DPF3: variants seen among roughly 807,000 people sequenced by gnomAD.
DPF3 encodes zinc finger protein DPF3.
Under a neutral mutation model 56.8 loss-of-function variants are expected in DPF3, and 18 were observed. The ratio of observed to expected loss-of-function variants is 0.32; its 90% CI spans 0.22 to 0.47. DPF3 has a LOEUF of 0.47. DPF3 is among the 20% of genes least tolerant of loss of function. The probability of loss-of-function intolerance (pLI) is 1.00; values close to 1 mark genes in which losing one functional copy is unlikely to be tolerated. For missense variants in DPF3, 403 were observed against 488.8 expected (o/e 0.82, Z 1.65); for synonymous variants, 188 against 180.2 (o/e 1.04, Z -0.35).
chr14:72,713,699 C>G (rs967047686), intron 6 of DPF3, among the ~76,000 whole-genome samples: 2 of 152,210 alleles, frequency 1.3e-5, no homozygotes, highest in African/African-American at 2.4e-5. Context: ...GGTTTTCAAT[C>G]TGCCTCCCAG....
chr14:72,666,919 T>A (rs1886467055), intron 8 of DPF3, among the ~76,000 whole-genome samples: 1 of 152,234 alleles, frequency 6.6e-6, no homozygotes, highest in Admixed American at 6.5e-5. Flanking sequence ...TCATCAGATG[T>A]AACAGGAGGT....
chr14:72,628,874 AAG>A (rs1268431495), intron 9 of DPF3, among the ~76,000 whole-genome samples: 1 of 152,244 alleles, frequency 6.6e-6, no homozygotes, highest in African/African-American at 2.4e-5. Context: ...GGGAGGAAGA[AAG>A]AGAATAAGAT....
chr14:72,760,904 A>G (rs1027270473), intron 2 of DPF3, among the ~76,000 whole-genome samples: 3 of 152,170 alleles, frequency 2.0e-5, no homozygotes, highest in Non-Finnish European at 2.9e-5. Flanking sequence ...TCATGTTAAT[A>G]TTAATCAAAA....
At chr14:72,715,434 T>C (rs1428534292) in intron 5 of DPF3, among the ~76,000 whole-genome samples, 1 of 151,962 alleles carries the variant, frequency 6.6e-6, no homozygotes, top group Non-Finnish European at 1.5e-5. Context: ...TGGTAATGAG[T>C]AGCAGTCAAC....
Position 72,612,663 on chromosome 14 carries a change from C to T in DPF3, c.*6634G>A, listed in dbSNP as rs764717924. 9.8e-6 allele frequency: 5 copies of T among 511,942 alleles called. No individual in the cohort carries two copies. The highest frequency in any genetic ancestry group is 4.2e-5 in the South Asian group (3 of 71,062). 31.7% of individuals were successfully genotyped at this position (511,942 alleles called of 1,614,324 possible). ...TAGACATGGAAGGGCAAACCAAGTC[C>T]GTATAAACCACAAACCCCATTCTAG... is the stretch of plus-strand genomic sequence containing the variant. On this transcript the variant is annotated 3_prime_UTR_variant, in exon 11 of 11. Coordinates refer to ENST00000556509, the MANE Select transcript of DPF3 (RefSeq NM_001280542.3).
chr14:72,729,970 C>T (rs1889572058), intron 4 of DPF3, among the ~76,000 whole-genome samples: 1 of 152,236 alleles, frequency 6.6e-6, no homozygotes, highest in Non-Finnish European at 1.5e-5. Context: ...ATAGCAAATG[C>T]ACCACTCTAG....
rs1214221339 is a variant in DPF3, at chr14:72,836,321, T to C, written c.32+57736A>G. On this transcript the variant is annotated intron_variant, in intron 1 of 10. Transcript: ENST00000556509. Reference sequence around the variant, plus strand: ...AAACTCCCAGGGCAACCCTGGATAATAAAGTGACCGAATGTGAATGCTTCC... The same window carrying C: ...AAACTCCCAGGGCAACCCTGGATAACAAAGTGACCGAATGTGAATGCTTCC... The C allele has an allele frequency of 3.0e-6, 3 of 985,404 alleles. No homozygotes were observed. The East Asian group carries it at 3.4e-4, about 112-fold the overall frequency. The allele number at this position is 985,404 out of a possible 1,614,324, so 61.0% of individuals were successfully genotyped here.
In DPF3 at chr14:72,612,644, T is replaced by G. The variant is rs759701443; in HGVS notation, c.*6653A>C. ...TCAGGGTCTCAGTGGGGAGTAGACA[T>G]GGAAGGGCAAACCAAGTCCGTATAA... On this transcript the variant is annotated 3_prime_UTR_variant, in exon 11 of 11. Transcript: ENST00000556509. 3.9e-6 allele frequency: 2 copies of G among 518,014 alleles called. No homozygotes were observed. The highest frequency in any genetic ancestry group is 3.9e-5 in the African/African-American group (2 of 51,872). The allele number at this position is 518,014 out of a possible 1,614,324, so 32.1% of individuals were successfully genotyped here. A position where few individuals can be genotyped will look rare whatever the true frequency, so the allele number is the denominator to read the frequency against.
At chr14:72,645,248 C>T (rs1051916823) in intron 8 of DPF3, among the ~76,000 whole-genome samples, 9 of 151,904 alleles carry the variant, frequency 5.9e-5, no homozygotes, top group African/African-American at 1.7e-4. Context: ...AGTATTGCTA[C>T]GGTCACATAC....
intron 6 of DPF3, among the ~76,000 whole-genome samples, chr14:72,699,826 C>T (rs1888082201): frequency 6.6e-6 from 1 of 152,170 alleles, no homozygotes; most frequent in Non-Finnish European, 1.5e-5. Context: ...ACTAAGAGAC[C>T]ACTGGATTTG....
chr14:72,742,233 G>A (rs185757392), intron 3 of DPF3, among the ~76,000 whole-genome samples: 14 of 152,272 alleles, frequency 9.2e-5, no homozygotes, highest in East Asian at 5.8e-4. Context: ...GACACTGCAG[G>A]AAAGAGATAA....
intron 8 of DPF3, 61 bp downstream of exon 8, chr14:72,674,179 G>T: frequency 1.3e-6 from 2 of 1,556,552 alleles, no homozygotes; most frequent in Non-Finnish European, 8.7e-7. Flanking sequence ...AGATGGAAGA[G>T]GAATGCAAGA....
At chr14:72,734,641 T>C (rs1396794340) in intron 3 of DPF3, among the ~76,000 whole-genome samples, 1 of 152,154 alleles carries the variant, frequency 6.6e-6, no homozygotes, top group Non-Finnish European at 1.5e-5. Context: ...TGGTACAGCA[T>C]TTTAGAGCTA....
chr14:72,670,876 G>A (rs1364945517), intron 8 of DPF3: 3 of 1,201,530 alleles, frequency 2.5e-6, no homozygotes, highest in Admixed American at 4.0e-5. Flanking sequence ...AATAAATAGC[G>A]CATCACGATG....
chr14:72,823,372 GAGA>G (rs1022009801), intron 1 of DPF3, among the ~76,000 whole-genome samples: 3 of 152,206 alleles, frequency 2.0e-5, no homozygotes, highest in Non-Finnish European at 2.9e-5. Flanking sequence ...GAACAAGGGA[GAGA>G]AGGAGACCTT....
chr14:72,671,029 G>C, intron 8 of DPF3: 3 of 1,495,764 alleles, frequency 2.0e-6, no homozygotes, highest in East Asian at 5.0e-5. Flanking sequence ...AAGGATAGAG[G>C]GAAAATCTAA....
chr14:72,874,014 T>C (rs1886008416), intron 1 of DPF3, among the ~76,000 whole-genome samples: 1 of 150,892 alleles, frequency 6.6e-6, no homozygotes, highest in Non-Finnish European at 1.5e-5. Flanking sequence ...ATGGCACATG[T>C]ATATATATGT....
At chr14:72,724,442 G>A (rs1395430367) in intron 4 of DPF3, among the ~76,000 whole-genome samples, 4 of 152,038 alleles carry the variant, frequency 2.6e-5, no homozygotes, top group South Asian at 2.1e-4. Context: ...ACCAAAGCAA[G>A]GTCAGGTTCA....
intron 1 of DPF3, among the ~76,000 whole-genome samples, chr14:72,791,309 G>C (rs1892422081): frequency 6.6e-6 from 1 of 152,166 alleles, no homozygotes; most frequent in Admixed American, 6.5e-5. Flanking sequence ...CCTCCCCCAG[G>C]TCCCCCACCA....
Sources: allele counts gnomAD v4.1 joint callset (sites outside exome capture counted in the v4.1 genomes callset), GRCh38; gene constraint gnomAD v4.1.1; transcripts MANE v1.5; gene names NCBI Gene and HGNC (gene_info 2026-07-23, HGNC 2026-07-21).